The following STAT5B variants were observed in gnomAD, a reference collection of about 807,000 sequenced individuals.
STAT5B encodes the protein transcription factor STAT5B.
A neutral mutation model predicts 107.8 loss-of-function variants in STAT5B; 21 were observed. The ratio of observed to expected loss-of-function variants is 0.19; its 90% confidence interval spans 0.14 to 0.28. The LOEUF is 0.28. Ranked by LOEUF, STAT5B falls within the 10% of genes least tolerant of loss-of-function variation. The pLI is 1.00. For missense variants in STAT5B, 565 were observed against 1,008.2 expected (o/e 0.56, Z 5.95); for synonymous variants, 325 against 401.7 (o/e 0.81, Z 2.28).
chr17:42,245,803 C>T (rs1242955699), intron 1 of STAT5B, among the ~76,000 whole-genome samples: 2 of 151,928 alleles, frequency 1.3e-5, no homozygotes, highest in East Asian at 1.9e-4. Flanking sequence ...GAATTACAGG[C>T]GTGAGCCACC....
chr17:42,249,879 C>T lies in STAT5B; in HGVS notation c.-10-17742G>A, dbSNP rs577949358. On this transcript the variant is annotated intron_variant, in intron 1 of 18. Coordinates refer to ENST00000293328, the MANE Select transcript of STAT5B (RefSeq NM_012448.4). ...GCTTCATTATGTTGCCCAGGCTGGTCTCGAACTCTTGAACTCAAGCGCTCC... is the reference window on the plus strand; with the variant it reads ...GCTTCATTATGTTGCCCAGGCTGGTTTCGAACTCTTGAACTCAAGCGCTCC... 3.7e-4 allele frequency among the ~76,000 whole-genome samples: 56 copies of T among 152,208 alleles called. 1 individual carries two copies. Among genetic ancestry groups the T allele is most frequent in the Non-Finnish European group, 6.9e-4 (47 of 68,012 alleles).
chr17:42,256,109 T>C (rs563757695), intron 1 of STAT5B, among the ~76,000 whole-genome samples: 4 of 152,200 alleles, frequency 2.6e-5, no homozygotes, highest in Non-Finnish European at 5.9e-5. Flanking sequence ...TTTTATGATA[T>C]ATATACGTAA....
chr17:42,217,026 G>C, intron 11 of STAT5B, 134 bp downstream of exon 11: 1 of 1,467,204 alleles, frequency 6.8e-7, no homozygotes, highest in African/African-American at 1.4e-5. Flanking sequence ...CTCAGGGTGA[G>C]GTCAGTCCAT....
In STAT5B at chr17:42,210,593, A is replaced by T. The variant is rs562985404; in HGVS notation, c.1681-96T>A. 1.1e-4 allele frequency: 125 copies of T among 1,141,794 alleles called. No homozygotes were observed. The African/African-American group carries it at 1.7e-3, about 15-fold the overall frequency. 70.7% of individuals were successfully genotyped at this position (1,141,794 alleles called of 1,614,324 possible). A position where few individuals can be genotyped will look rare whatever the true frequency, so the allele number is the denominator to read the frequency against. ...TGGAAAAATTAAATGGGAAACAAAC[A>T]TCTACCCTTGTCAGAGGCATACAAA... On this transcript the variant is annotated intron_variant, in intron 13 of 18. Transcript: ENST00000293328.
At chr17:42,287,736 C>T in the STAT5B span, 1 of 152,236 alleles carries the variant, frequency 6.6e-6, no homozygotes, top group Non-Finnish European at 1.5e-5. Flanking sequence ...CTGTGTGGCC[C>T]TGGGTGGCCC....
chr17:42,286,970 C>T, the STAT5B span, among the ~76,000 whole-genome samples: 1 of 152,202 alleles, frequency 6.6e-6, no homozygotes, highest in Admixed American at 6.5e-5. Flanking sequence ...TCTGACCCTC[C>T]CCTGCCAAAT....
intron 1 of STAT5B, among the ~76,000 whole-genome samples, chr17:42,235,917 G>C (rs2080353136): frequency 6.6e-6 from 1 of 152,176 alleles, no homozygotes; most frequent in South Asian, 2.1e-4. Context: ...ATATTTAGGA[G>C]CCTATTACTG....
In STAT5B at chr17:42,276,315, C is replaced by T. The variant is rs1320640547; in HGVS notation, c.-78G>A. ...TGTCTGGCTTGCCCGCCCGCCCGCT[C>T]GCTCCCTCCCTCGGCCGGGCCGCCG... On this transcript the variant is annotated 5_prime_UTR_variant, in exon 1 of 19. Transcript: ENST00000293328. This position sits in a 1 kb window ranked among gnomAD's most constrained non-coding sequence, Gnocchi z 4.8. The T allele has an allele frequency of 6.8e-6, 1 of 147,196 alleles. No homozygotes were observed. Among genetic ancestry groups the T allele is most frequent in the Non-Finnish European group, 1.5e-5 (1 of 66,122 alleles). The allele number at this position is 147,196 out of a possible 1,614,324, so 9.1% of individuals were successfully genotyped here. A position where few individuals can be genotyped will look rare whatever the true frequency, so the allele number is the denominator to read the frequency against.
chr17:42,206,101 G>A (rs2080083029), intron 16 of STAT5B, among the ~76,000 whole-genome samples: 1 of 152,088 alleles, frequency 6.6e-6, no homozygotes, highest in South Asian at 2.1e-4. Flanking sequence ...GTCTCGCTCT[G>A]TCACCAGACT....
chr17:42,219,873 C>T (rs755926560), intron 5 of STAT5B, 31 bp from the exon 6 acceptor site: 2 of 1,613,966 alleles, frequency 1.2e-6, no homozygotes, highest in African/African-American at 2.7e-5. Flanking sequence ...CCATGACCAT[C>T]ACCTCCCAGT....
In STAT5B at chr17:42,219,804, G is replaced by A. The variant is rs1396130852; in HGVS notation, c.589C>T (p.Arg197Cys). Residue 197 changes from arginine (R) to cysteine (C), a missense_variant, in exon 6 of 19, where the codon CGT becomes TGT. By Grantham distance (180) the Arg-to-Cys change is radical. Around this residue, in one of 11 missense-constraint regions of STAT5B, gnomAD observed 56 missense variants for 104.5 expected, o/e 0.54. Coordinates refer to ENST00000293328, the MANE Select transcript of STAT5B (RefSeq NM_012448.4). ...GPLAQLSPQE[R>C]LSRETALQQK... Reference sequence around the variant, plus strand: ...TGGAGGGCCGTCTCCCGGCTCAGACGCTCCTGGGGGCTCAGCTGGGCCAGC... The same window carrying A: ...TGGAGGGCCGTCTCCCGGCTCAGACACTCCTGGGGGCTCAGCTGGGCCAGC... The A allele has an allele frequency of 3.1e-6, 5 of 1,613,958 alleles. No individual in the cohort carries two copies. Among genetic ancestry groups the A allele is most frequent in the Non-Finnish European group, 4.2e-6 (5 of 1,180,014 alleles).
At chr17:42,270,799 T>C (rs2080717020) in intron 1 of STAT5B, 1 of 152,180 alleles carries the variant, frequency 6.6e-6, no homozygotes, top group African/African-American at 2.4e-5. Flanking sequence ...AACAGTAATG[T>C]GACCTTGGAC....
intron 1 of STAT5B, among the ~76,000 whole-genome samples, chr17:42,264,505 A>G (rs1210665482): frequency 6.6e-6 from 1 of 151,382 alleles, no homozygotes; most frequent in African/African-American, 2.4e-5. Flanking sequence ...ATGATTTCCA[A>G]TTTCATCCAT....
intron 12 of STAT5B, among the ~76,000 whole-genome samples, chr17:42,215,805 A>G (rs2144236026): frequency 6.6e-6 from 1 of 152,238 alleles, no homozygotes; most frequent in Middle Eastern, 3.4e-3. Flanking sequence ...ATTTTTTAAT[A>G]GAAACAGGAT....
chr17:42,260,471 C>T (rs1378522953), intron 1 of STAT5B, among the ~76,000 whole-genome samples: 3 of 151,622 alleles, frequency 2.0e-5, no homozygotes, highest in East Asian at 1.9e-4. Flanking sequence ...TGCAGTAGCA[C>T]GAACACGACT....
At chr17:42,220,154 G>A (rs1393106960) in intron 5 of STAT5B, among the ~76,000 whole-genome samples, 8 of 152,196 alleles carry the variant, frequency 5.3e-5, no homozygotes, top group African/African-American at 9.6e-5. Context: ...CTCTTCTCGC[G>A]GCCCAGCATG....
At chr17:42,239,973 A>G (rs2080389117) in intron 1 of STAT5B, among the ~76,000 whole-genome samples, 1 of 152,202 alleles carries the variant, frequency 6.6e-6, no homozygotes, top group Non-Finnish European at 1.5e-5. Context: ...TAAAAATTAA[A>G]AAAGAAAAAA....
chr17:42,209,508 T>C (rs917734666), intron 15 of STAT5B, among the ~76,000 whole-genome samples: 2 of 152,198 alleles, frequency 1.3e-5, no homozygotes, highest in Non-Finnish European at 2.9e-5. Flanking sequence ...GGGGATTGTT[T>C]GAGCCCAGGA....
chr17:42,265,283 C>T (rs149980521), intron 1 of STAT5B, among the ~76,000 whole-genome samples: 264 of 152,122 alleles, frequency 1.7e-3, no homozygotes, highest in African/African-American at 6.0e-3. Context: ...AGTCCTTGCC[C>T]ATGCCTATTT....
Sources: allele counts gnomAD v4.1 joint callset (sites outside exome capture counted in the v4.1 genomes callset), GRCh38; gene constraint gnomAD v4.1.1; regional missense constraint gnomAD v4.1.1; non-coding constraint Gnocchi (gnomAD v3.1); transcripts MANE v1.5; gene names NCBI Gene and HGNC (gene_info 2026-07-23, HGNC 2026-07-21).